PCDHA6: variants seen among roughly 807,000 people sequenced by gnomAD.
The protein encoded by PCDHA6 is protocadherin alpha-6.
In PCDHA6, 55 loss-of-function variants were observed where a neutral mutation model predicts 60.3. That is an observed-to-expected ratio of 0.91 (90% CI 0.73 to 1.14). The LOEUF is 1.14. Ranked by LOEUF, PCDHA6 falls within the 50% of genes most tolerant of loss-of-function variation. The pLI is 0.00. For synonymous variants in PCDHA6, 652 were observed against 557.9 expected (o/e 1.17, Z -2.38); for missense variants, 1,327 against 1,256.5 (o/e 1.06, Z -0.85).
chr5:140,916,161 GC>G (rs2077457967), intron 1 of PCDHA6, among the ~76,000 whole-genome samples: 1 of 152,084 alleles, frequency 6.6e-6, no homozygotes, highest in African/African-American at 2.4e-5. Flanking sequence ...GGTGAATGCT[GC>G]CAGGCCTGGG....
At position 140,871,095 on chromosome 5, in the gene PCDHA6, GC is replaced by G; in HGVS notation, c.2394+40611del. On this transcript the variant is annotated intron_variant, in intron 1 of 3. Coordinates refer to ENST00000529310, the MANE Select transcript of PCDHA6 (RefSeq NM_018909.4). ...CGGCGCTGACGGCCACGGCCACCGT[GC>G]TGGTGTCGTTGGTGGAGAGCGGACA... The G allele has an allele frequency of 4.3e-6, 7 of 1,613,278 alleles. No individual in the cohort carries two copies. In the South Asian group the frequency reaches 5.5e-5, roughly 13 times the overall value.
intron 1 of PCDHA6, chr5:140,877,039 C>A (rs782458785): frequency 6.2e-7 from 1 of 1,612,458 alleles, no homozygotes; most frequent in African/African-American, 1.3e-5. Context: ...GCTGCAGCCG[C>A]TAGACCACGA....
chr5:140,869,788 T>A (rs782425741), intron 1 of PCDHA6: 1 of 1,612,892 alleles, frequency 6.2e-7, no homozygotes, highest in East Asian at 2.2e-5. Flanking sequence ...CGTTCGGCTG[T>A]TAGTCCAAGT....
At position 140,870,670 on chromosome 5, in the gene PCDHA6, G is replaced by A. The variant is rs782000668; in HGVS notation, c.2394+40185G>A. On this transcript the variant is annotated intron_variant, in intron 1 of 3. Coordinates refer to ENST00000529310, the MANE Select transcript of PCDHA6 (RefSeq NM_018909.4). Reference sequence around the variant, plus strand: ...CAAGGTGTACGCGCTGCAGCCGTTGGACCACGAGGAGCTGGAGCTGCTACA... The same window carrying A: ...CAAGGTGTACGCGCTGCAGCCGTTGAACCACGAGGAGCTGGAGCTGCTACA... The A allele has an allele frequency of 3.1e-6, 5 of 1,612,518 alleles. No individual in the cohort carries two copies. The East Asian group carries it at 1.1e-4, about 36-fold the overall frequency.
rs201937079 is a variant in PCDHA6 at position 140,870,716 on chromosome 5, A to G, written c.2394+40231A>G. 15 of 1,613,024 alleles carry G rather than the reference A, an allele frequency of 9.3e-6. No individual in the cohort carries two copies. The highest frequency in any genetic ancestry group is 1.2e-5 in the Non-Finnish European group (14 of 1,179,860). On this transcript the variant is annotated intron_variant, in intron 1 of 3. Coordinates refer to ENST00000529310, the MANE Select transcript of PCDHA6 (RefSeq NM_018909.4). ...CTACAGTTCCAGGTGAGCGCGCGCG[A>G]TGCGGGCGTGCCGCCTCTGAGCAGC... is the stretch of plus-strand genomic sequence containing the variant.
rs2150162987 is a variant in PCDHA6, at chr5:140,829,145, C to T, written c.1054C>T (p.Leu352=). 6.2e-7 allele frequency: 1 copy of T among 1,613,788 alleles called. No individual in the cohort carries two copies. Among genetic ancestry groups the T allele is most frequent in the South Asian group, 1.1e-5 (1 of 91,082 alleles). Residue 352 remains leucine (L), a synonymous_variant, in exon 1 of 4, where the codon CTG becomes TTG. Coordinates refer to ENST00000529310, the MANE Select transcript of PCDHA6 (RefSeq NM_018909.4). ...AAATGATAACGTCCCTGAGATAGCA[C>T]TGACTTCCTTATCCTTGCCTGTACG... The part of the protein sequence containing the change: ...DKNDNVPEIA[L]TSLSLPVRED...
In PCDHA6 at chr5:140,937,639, A is replaced by G. The variant is rs140444916; in HGVS notation, c.2395-41310A>G. On this transcript the variant is annotated intron_variant, in intron 1 of 3. Transcript: ENST00000529310. ...CTAAAAAGAAAAAGAAAGGCAGGGC[A>G]TGGTGGCTCACGCCTGTAATCCCAG... is the stretch of plus-strand genomic sequence containing the variant. 9.3e-5 allele frequency among the ~76,000 whole-genome samples: 14 copies of G among 151,094 alleles called. No individual in the cohort carries two copies. In the East Asian group the frequency reaches 1.8e-3, roughly 20 times the overall value.
chr5:140,906,827 G>C (rs2153497509), intron 1 of PCDHA6, among the ~76,000 whole-genome samples: 1 of 152,308 alleles, frequency 6.6e-6, no homozygotes, highest in South Asian at 2.1e-4. Flanking sequence ...TGGAGTAGTA[G>C]ACTGATTTCA....
chr5:140,933,314 G>C (rs925777839), intron 1 of PCDHA6, among the ~76,000 whole-genome samples: 1 of 151,914 alleles, frequency 6.6e-6, no homozygotes, highest in African/African-American at 2.4e-5. Context: ...ATGCAATCTC[G>C]TATTCTCCTG....
chr5:140,875,265 T>C, intron 1 of PCDHA6: 1 of 1,201,060 alleles, frequency 8.3e-7, no homozygotes, highest in Admixed American at 3.0e-5. Flanking sequence ...GATGTCGCTC[T>C]ACACTCAGAA....
intron 1 of PCDHA6, chr5:140,858,078 C>T (rs782110139): frequency 6.3e-7 from 1 of 1,597,798 alleles, no homozygotes; most frequent in South Asian, 1.1e-5. Context: ...GCACCCAAGG[C>T]CTCGTCGCGG....
chr5:140,852,980 G>C (rs782092693), intron 1 of PCDHA6: 1 of 347,518 alleles, frequency 2.9e-6, no homozygotes, highest in Non-Finnish European at 4.2e-6. Flanking sequence ...CCGTGTTCAC[G>C]CCATTCTCCT....
chr5:140,973,549 A>G (rs1040107774), intron 1 of PCDHA6, among the ~76,000 whole-genome samples: 2 of 152,230 alleles, frequency 1.3e-5, no homozygotes, highest in Non-Finnish European at 2.9e-5. Context: ...ATTTATTTCA[A>G]TTACCTCTTT....
chr5:140,967,985 A>G, intron 1 of PCDHA6: 3 of 1,614,218 alleles, frequency 1.9e-6, no homozygotes, highest in East Asian at 4.5e-5. Flanking sequence ...TCTGGAGGCC[A>G]CACTGCCTTT....
intron 1 of PCDHA6, chr5:140,841,972 G>A: frequency 6.2e-7 from 1 of 1,613,874 alleles, no homozygotes; most frequent in East Asian, 2.2e-5. Context: ...CCACAGATGG[G>A]GGCAAACCTG....
At chr5:140,982,608 T>C (rs782789536) in intron 3 of PCDHA6, 45 bp downstream of exon 3, 1 of 1,601,306 alleles carries the variant, frequency 6.2e-7, no homozygotes, top group Non-Finnish European at 8.5e-7. Flanking sequence ...TTCTGGAAAG[T>C]GATCAGATGA....
chr5:140,933,666 T>C (rs1334972770), intron 1 of PCDHA6, among the ~76,000 whole-genome samples: 3 of 152,046 alleles, frequency 2.0e-5, no homozygotes, highest in Non-Finnish European at 4.4e-5. Context: ...TCTCTCTCTG[T>C]CTCTCTCACA....
intron 1 of PCDHA6, chr5:140,835,704 G>A (rs2150242538): frequency 3.1e-6 from 5 of 1,613,772 alleles, no homozygotes; most frequent in Admixed American, 3.3e-5. Context: ...CACTGCTAGC[G>A]TGTCCGTGGA....
At chr5:141,005,437 C>T (rs1469007749) in intron 3 of PCDHA6, among the ~76,000 whole-genome samples, 4 of 152,092 alleles carry the variant, frequency 2.6e-5, no homozygotes, top group African/African-American at 7.2e-5. Context: ...GGATGAGAGG[C>T]TCACGCCTGT....
Sources: allele counts gnomAD v4.1 joint callset (sites outside exome capture counted in the v4.1 genomes callset), GRCh38; gene constraint gnomAD v4.1.1; transcripts MANE v1.5; gene names NCBI Gene and HGNC (gene_info 2026-07-23, HGNC 2026-07-21).